Variants in CSMD1 observed in about 807,000 individuals in gnomAD.
The protein encoded by CSMD1 is CUB and Sushi multiple domains 1.
Under a neutral mutation model 417.5 loss-of-function variants are expected in CSMD1, and 213 were observed. That is an observed-to-expected ratio of 0.51 (90% CI 0.46 to 0.57). CSMD1 has a LOEUF of 0.57. Ranked by LOEUF, CSMD1 falls within the 20% of genes least tolerant of loss-of-function variation. The probability of loss-of-function intolerance (pLI) is 0.00; values close to 1 mark genes in which losing one functional copy is unlikely to be tolerated. For missense variants in CSMD1, 6,923 were observed against 4,529.7 expected, an observed-to-expected ratio of 1.53 and a Z score of -15.17; for synonymous variants, 2,862 against 1,736.8, an observed-to-expected ratio of 1.65 and a Z score of -16.11.
intron 1 of CSMD1, among the ~76,000 whole-genome samples, chr8:4,710,496 C>G (rs566667294): frequency 3.4e-5 from 5 of 148,214 alleles, no homozygotes; most frequent in Non-Finnish European, 5.9e-5. Flanking sequence ...CTCTGTCTCT[C>G]TCAAATTACA....
At chr8:3,858,061 C>G (rs1804438671) in intron 5 of CSMD1, among the ~76,000 whole-genome samples, 1 of 152,196 alleles carries the variant, frequency 6.6e-6, no homozygotes, top group Admixed American at 6.5e-5. Context: ...ATGGTTGTGT[C>G]TGTAAAGATA....
intron 11 of CSMD1, among the ~76,000 whole-genome samples, chr8:3,478,478 G>T (rs955721700): frequency 6.6e-6 from 1 of 152,154 alleles, no homozygotes; most frequent in Non-Finnish European, 1.5e-5. Context: ...GCCTGATAAT[G>T]GCACAAGAAG....
chr8:3,623,863 G>C (rs1796371577), intron 7 of CSMD1, among the ~76,000 whole-genome samples: 1 of 152,018 alleles, frequency 6.6e-6, no homozygotes, highest in Non-Finnish European at 1.5e-5. Flanking sequence ...TGTAATCCCA[G>C]CTACTCTGGA....
intron 41 of CSMD1, among the ~76,000 whole-genome samples, chr8:3,133,993 T>C (rs963612990): frequency 4.0e-5 from 6 of 151,884 alleles, no homozygotes; most frequent in African/African-American, 1.5e-4. Flanking sequence ...GCCTGGCCAA[T>C]GTGGTGAAAC....
chr8:3,886,560 G>A lies in CSMD1; in HGVS notation c.818+111343C>T, dbSNP rs76398477. 2.6e-5 allele frequency among the ~76,000 whole-genome samples: 4 copies of A among 152,306 alleles called. No homozygotes were observed. The East Asian group carries it at 7.7e-4, about 29-fold the overall frequency. ...ATGGACAGCACTTTAATGACGAAGC[G>A]TGGCTGTGTTGCAGGAAAAGTTTAT... On this transcript the variant is annotated intron_variant, in intron 5 of 69. Transcript: ENST00000635120.
intron 10 of CSMD1, among the ~76,000 whole-genome samples, chr8:3,524,627 ACACC>A (rs1179404766): frequency 6.6e-6 from 1 of 151,906 alleles, no homozygotes; most frequent in African/African-American, 2.4e-5. Flanking sequence ...ACACACATGC[ACACC>A]CAGAGAGACA....
chr8:4,062,097 A>T (rs767392034), intron 3 of CSMD1, among the ~76,000 whole-genome samples: 1 of 152,048 alleles, frequency 6.6e-6, no homozygotes, highest in Non-Finnish European at 1.5e-5. Flanking sequence ...GCAAAGCATC[A>T]CAGAGAATGC....
intron 3 of CSMD1, among the ~76,000 whole-genome samples, chr8:4,381,115 A>G (rs1450808585): frequency 3.3e-5 from 5 of 152,006 alleles, no homozygotes; most frequent in Non-Finnish European, 7.4e-5. Flanking sequence ...TTTTGCACCA[A>G]CCTAATAAAA....
chr8:3,766,881 T>C (rs1204101302), intron 5 of CSMD1, among the ~76,000 whole-genome samples: 2 of 152,182 alleles, frequency 1.3e-5, no homozygotes, highest in Non-Finnish European at 2.9e-5. Flanking sequence ...CTTATATCAC[T>C]TGATAGACTG....
intron 1 of CSMD1, among the ~76,000 whole-genome samples, chr8:4,827,712 A>G (rs1158559298): frequency 2.6e-5 from 4 of 152,154 alleles, no homozygotes; most frequent in African/African-American, 9.7e-5. Flanking sequence ...AATTATCTGT[A>G]GATCTAAAAA....
At position 3,823,842 on chromosome 8, in the gene CSMD1, T is replaced by A. The variant is rs115852204; in HGVS notation, c.819-69800A>T. On this transcript the variant is annotated intron_variant, in intron 5 of 69. Transcript: ENST00000635120. ...ATCATAAAGATGGTAATTTAAAAAATTTTTAAATTAACTTAATTTAAATAC... is the reference window on the plus strand; with the variant it reads ...ATCATAAAGATGGTAATTTAAAAAAATTTTAAATTAACTTAATTTAAATAC... Among the ~76,000 whole-genome samples the A allele has an allele frequency of 4.7e-3, 723 of 152,284 alleles. 9 individuals carry two copies. Among genetic ancestry groups the A allele is most frequent in the African/African-American group, 0.016 (676 of 41,574 alleles).
intron 1 of CSMD1, among the ~76,000 whole-genome samples, chr8:4,798,290 C>T (rs1798090443): frequency 6.6e-6 from 1 of 152,152 alleles, no homozygotes; most frequent in South Asian, 2.1e-4. Flanking sequence ...CGCTAGTTTG[C>T]TGAGAATGAT....
At chr8:4,324,273 TTCCTCATCAC>T (rs1799428569) in intron 3 of CSMD1, among the ~76,000 whole-genome samples, 1 of 152,218 alleles carries the variant, frequency 6.6e-6, no homozygotes, top group Non-Finnish European at 1.5e-5. Context: ...CCTTTTCCTC[TTCCTCATCAC>T]TAACTGCGTA....
Position 3,822,419 on chromosome 8 carries a change from T to C in CSMD1, c.819-68377A>G, listed in dbSNP as rs1176395284. 4.6e-5 allele frequency among the ~76,000 whole-genome samples: 7 copies of C among 152,144 alleles called. No homozygotes were observed. In the East Asian group the frequency reaches 1.3e-3, roughly 29 times the overall value. On this transcript the variant is annotated intron_variant, in intron 5 of 69. Transcript: ENST00000635120. Reference sequence around the variant, plus strand: ...TCTGAAACCTTGGGCATTTTTTAGGTTGAATATCTAGAAAAAGAACAATGC... The same window carrying C: ...TCTGAAACCTTGGGCATTTTTTAGGCTGAATATCTAGAAAAAGAACAATGC...
intron 3 of CSMD1, among the ~76,000 whole-genome samples, chr8:4,377,328 G>A (rs916314056): frequency 6.6e-6 from 1 of 152,262 alleles, no homozygotes; most frequent in African/African-American, 2.4e-5. Context: ...CCTTGGTCGG[G>A]GGAGGCTTAG....
intron 2 of CSMD1, among the ~76,000 whole-genome samples, chr8:4,472,201 T>C (rs1800573523): frequency 6.6e-6 from 1 of 152,188 alleles, no homozygotes. Context: ...TTTTCTCTTA[T>C]TTAGGAAATC....
Position 3,685,774 on chromosome 8 carries a change from A to G in CSMD1, c.1009+22640T>C, listed in dbSNP as rs141717874. Among the ~76,000 whole-genome samples, 5 of 151,996 alleles carry G rather than the reference A, an allele frequency of 3.3e-5. No individual in the cohort carries two copies. In the East Asian group the frequency reaches 7.8e-4, roughly 24 times the overall value. ...TTTTATTGCTTTATTTTTAATTTCT[A>G]TGGGTACATTGAAGTTATATACATT... On this transcript the variant is annotated intron_variant, in intron 7 of 69. Transcript: ENST00000635120.
At chr8:4,901,125 G>A (rs1458083680) in intron 1 of CSMD1, among the ~76,000 whole-genome samples, 2 of 152,184 alleles carry the variant, frequency 1.3e-5, no homozygotes, top group Non-Finnish European at 2.9e-5. Flanking sequence ...GTATTACACA[G>A]CAATTGCATG....
intron 2 of CSMD1, among the ~76,000 whole-genome samples, chr8:4,589,224 T>C (rs185112460): frequency 6.6e-6 from 1 of 152,164 alleles, no homozygotes. Flanking sequence ...AAGAACTACA[T>C]TTTTCTATAT....
Sources: gnomAD v4.1 joint callset for allele counts (sites outside exome capture counted in the v4.1 genomes callset) on GRCh38, gnomAD v4.1.1 for gene constraint, MANE v1.5 for transcripts, NCBI Gene and HGNC (gene_info 2026-07-23, HGNC 2026-07-21) for gene names.